Variants in PCDHA1 observed in about 807,000 individuals in gnomAD.
PCDHA1 encodes protocadherin alpha 1, also known as protocadherin alpha-1.
Under a neutral mutation model 61.3 loss-of-function variants are expected in PCDHA1, and 42 were observed. That is an observed-to-expected ratio of 0.69 (90% confidence interval 0.54 to 0.89). The LOEUF (loss-of-function observed/expected upper bound fraction) is 0.89, where lower values mean the gene tolerates loss of function less well. PCDHA1 is among the 40% of genes least tolerant of loss of function. The pLI, the probability that PCDHA1 is intolerant of heterozygous loss-of-function variation, is 0.00. For missense variants in PCDHA1, 1,256 were observed against 1,235.3 expected, an observed-to-expected ratio of 1.02 and a Z score of -0.25; for synonymous variants, 610 against 553.8, an observed-to-expected ratio of 1.10 and a Z score of -1.43.
chr5:140,926,351 C>T (rs1301072681), intron 1 of PCDHA1: 2 of 152,276 alleles, frequency 1.3e-5, no homozygotes, highest in African/African-American at 4.8e-5. Flanking sequence ...CGACGCGCGG[C>T]TCCCAAAGGG....
chr5:140,890,488 T>C (rs1022131727), intron 1 of PCDHA1, among the ~76,000 whole-genome samples: 20 of 152,340 alleles, frequency 1.3e-4, no homozygotes, highest in African/African-American at 4.8e-4. Flanking sequence ...GTTATTTTTG[T>C]CTCACCATTT....
intron 1 of PCDHA1, chr5:140,869,090 C>T: frequency 6.3e-7 from 1 of 1,589,674 alleles, no homozygotes; most frequent in Non-Finnish European, 8.6e-7. Context: ...TTTTGGAAGC[C>T]AATTTCGTAT....
chr5:140,981,459 A>C (rs1267670163), intron 2 of PCDHA1, among the ~76,000 whole-genome samples: 1 of 152,176 alleles, frequency 6.6e-6, no homozygotes, highest in Non-Finnish European at 1.5e-5. Context: ...CTGTAGTCCC[A>C]GCTACTTGGG....
Position 140,855,947 on chromosome 5 carries a change from T to A in PCDHA1, c.2394+67263T>A. On this transcript the variant is annotated intron_variant, in intron 1 of 3. Transcript: ENST00000504120. Reference sequence around the variant, plus strand: ...TAGCGTCATTCTGAGATCTCAGCCATTTCGATAAAAAATAGATATAAGAAA... The same window carrying A: ...TAGCGTCATTCTGAGATCTCAGCCAATTCGATAAAAAATAGATATAAGAAA... 2.9e-6 allele frequency: 4 copies of A among 1,358,712 alleles called. No homozygotes were observed. In the Admixed American group the frequency reaches 7.1e-5, roughly 24 times the overall value. The allele number at this position is 1,358,712 out of a possible 1,614,324, so 84.2% of individuals were successfully genotyped here. A position where few individuals can be genotyped will look rare whatever the true frequency, so the allele number is the denominator to read the frequency against.
Position 140,788,138 on chromosome 5 carries a change from C to A in PCDHA1, c.1848C>A (p.Gly616=), listed in dbSNP as rs1554118136. 4 of 1,613,798 alleles carry A rather than the reference C, an allele frequency of 2.5e-6. No individual in the cohort carries two copies. In the South Asian group the frequency reaches 4.4e-5, roughly 18 times the overall value. ...WLSYELQPAA[G]GARIPFRVGL... ...CCTATGAACTGCAGCCGGCAGCAGG[C>A]GGCGCGCGCATCCCGTTCCGCGTGG... The change falls in exon 1 of 4, where the codon GGC becomes GGA. Residue 616 remains glycine, a synonymous_variant. Coordinates refer to ENST00000504120, the MANE Select transcript of PCDHA1 (RefSeq NM_018900.4).
At chr5:140,803,039 G>A (rs1554122540) in intron 1 of PCDHA1, 1 of 1,614,024 alleles carries the variant, frequency 6.2e-7, no homozygotes, top group Non-Finnish European at 8.5e-7. Context: ...TGCAGCCTGG[G>A]ACCGGCGGTG....
Position 140,830,193 on chromosome 5 carries a change from T to C in PCDHA1, c.2394+41509T>C, listed in dbSNP as rs1770885787. ...CTGGTGGATGTCAACGTGTACCTGA[T>C]CATCGCCATCTGCGCGGTATCCAGC... is the stretch of plus-strand genomic sequence containing the variant. On this transcript the variant is annotated intron_variant, in intron 1 of 3. Transcript: ENST00000504120. The C allele has an allele frequency of 2.5e-6, 4 of 1,613,664 alleles. No homozygotes were observed. In the African/African-American group the frequency reaches 5.3e-5, roughly 22 times the overall value.
intron 1 of PCDHA1, chr5:140,928,931 A>G: frequency 1.9e-6 from 3 of 1,614,150 alleles, no homozygotes; most frequent in Non-Finnish European, 2.5e-6. Flanking sequence ...CTTTCTGCCC[A>G]GAACTTGTAT....
chr5:140,862,341 T>G, intron 1 of PCDHA1: 1 of 331,140 alleles, frequency 3.0e-6, no homozygotes, highest in Non-Finnish European at 6.0e-6. Flanking sequence ...GACCCTAACT[T>G]CAGTGCCAAG....
At chr5:140,824,619 T>TTTTTTTTTTTTG (rs1768250540) in intron 1 of PCDHA1, 2 of 129,516 alleles carry the variant, frequency 1.5e-5, no homozygotes, top group African/African-American at 3.5e-5. Flanking sequence ...AGTTTTTTTT[T>TTTTTTTTTTTTG]TTTTTTTTTT....
At position 141,011,317 on chromosome 5, in the gene PCDHA1, T is replaced by C. The variant is rs1554263417; in HGVS notation, c.*1380T>C. On this transcript the variant is annotated 3_prime_UTR_variant, in exon 4 of 4. Transcript: ENST00000504120. ...TAACACTCTGAATTGCTAATCTTAC[T>C]AACACCTATGATGTTACCTGAAATC... 1 of 153,818 alleles carries C rather than the reference T, an allele frequency of 6.5e-6. No homozygotes were observed. The highest frequency in any genetic ancestry group is 2.4e-5 in the African/African-American group (1 of 41,470). 9.5% of individuals were successfully genotyped at this position (153,818 alleles called of 1,614,324 possible).
Position 140,787,138 on chromosome 5 carries a change from G to A in PCDHA1, c.848G>A (p.Ser283Asn), listed in dbSNP as rs1323911248. ...VNGEVVFSFD[S>N]GISRDIQEKF... The stretch of plus-strand genomic sequence containing the variant: ...GGTGAAGTCGTCTTTTCCTTTGACA[G>A]TGGTATTTCTCGTGACATTCAAGAA... The change falls in exon 1 of 4, where the codon AGT becomes AAT. Residue 283 changes from serine (S) to asparagine (N), a missense_variant. By Grantham distance (46) the Ser-to-Asn change is conservative. Transcript: ENST00000504120. The A allele has an allele frequency of 3.7e-6, 6 of 1,613,876 alleles. No homozygotes were observed. Among genetic ancestry groups the A allele is most frequent in the Non-Finnish European group, 5.1e-6 (6 of 1,179,952 alleles).
chr5:140,948,895 A>G (rs1192387448), intron 1 of PCDHA1, among the ~76,000 whole-genome samples: 1 of 151,548 alleles, frequency 6.6e-6, no homozygotes, highest in Non-Finnish European at 1.5e-5. Flanking sequence ...TTAGATTTTA[A>G]GTGGATTCTT....
At chr5:140,823,371 C>T (rs202138902) in intron 1 of PCDHA1, 20 of 1,612,612 alleles carry the variant, frequency 1.2e-5, no homozygotes, top group Middle Eastern at 1.8e-4. Flanking sequence ...TGCTGCAGTT[C>T]CAGGTGAGCG....
At chr5:140,795,092 C>A in intron 1 of PCDHA1, 1 of 1,613,984 alleles carries the variant, frequency 6.2e-7, no homozygotes, top group Non-Finnish European at 8.5e-7. Context: ...AAACACGGCA[C>A]CTTCGTGGGC....
rs146745311 is a variant in PCDHA1 at position 140,842,835 on chromosome 5, C to G, written c.2394+54151C>G. 9.4e-6 allele frequency: 15 copies of G among 1,593,736 alleles called. 3 individuals are homozygous for G. The African/African-American group carries it at 1.6e-4, about 17-fold the overall frequency. Reference sequence around the variant, plus strand: ...CGGCGGGTGGGCGAGCGCTCGCTGTCGAGCTACATTTCGGTGCACACGGAG... The same window carrying G: ...CGGCGGGTGGGCGAGCGCTCGCTGTGGAGCTACATTTCGGTGCACACGGAG... On this transcript the variant is annotated intron_variant, in intron 1 of 3. Transcript: ENST00000504120.
intron 1 of PCDHA1, among the ~76,000 whole-genome samples, chr5:140,916,761 G>A (rs1391817856): frequency 2.0e-5 from 3 of 152,306 alleles, no homozygotes; most frequent in South Asian, 2.1e-4. Flanking sequence ...TTAGGGGAGG[G>A]GTGGCACAAG....
At chr5:140,921,301 C>T (rs1227923324) in intron 1 of PCDHA1, among the ~76,000 whole-genome samples, 1 of 151,954 alleles carries the variant, frequency 6.6e-6, no homozygotes. Flanking sequence ...TTGCTGAATG[C>T]CATTGTATTA....
At chr5:140,854,883 G>A (rs1356000756) in intron 1 of PCDHA1, among the ~76,000 whole-genome samples, 2 of 149,592 alleles carry the variant, frequency 1.3e-5, no homozygotes, top group Admixed American at 1.3e-4. Flanking sequence ...TGTCTTTTGG[G>A]CATTTGAAAA....
Sources: gnomAD v4.1 joint callset for allele counts (sites outside exome capture counted in the v4.1 genomes callset) on GRCh38, gnomAD v4.1.1 for gene constraint, MANE v1.5 for transcripts, NCBI Gene and HGNC (gene_info 2026-07-23, HGNC 2026-07-21) for gene names.